Variants in ALKBH6 observed in about 807,000 individuals in gnomAD.
The protein encoded by ALKBH6 is probable RNA/DNA demethylase ALKBH6.
In ALKBH6, 20 loss-of-function variants were observed where a neutral mutation model predicts 25.1. The observed-to-expected ratio is 0.80, with a 90% CI of 0.56 to 1.16. The LOEUF (loss-of-function observed/expected upper bound fraction) is 1.16. Ranked by LOEUF, ALKBH6 falls within the 50% of genes most tolerant of loss-of-function variation. The pLI is 0.00. For synonymous variants in ALKBH6, 156 were observed against 147.5 expected (o/e 1.06, Z -0.42); for missense variants, 263 against 326.5 (o/e 0.81, Z 1.50).
rs763163403 is a variant in ALKBH6 at position 36,013,325 on chromosome 19, C to T, written c.54+19G>A. ...ATCAGCCTGCCTCCTTCACCCTCTG[C>T]ACCCTGAGTTCTGACAACCTGCTCC... is the stretch of plus-strand genomic sequence containing the variant. On this transcript the variant is annotated intron_variant, in intron 2 of 6. Coordinates refer to ENST00000378875, the MANE Select transcript of ALKBH6 (RefSeq NM_032878.5). This position sits in a 1 kb window ranked among gnomAD's most constrained non-coding sequence, Gnocchi z 4.6. 6.2e-7 allele frequency: 1 copy of T among 1,613,966 alleles called. No homozygotes were observed. Among genetic ancestry groups the T allele is most frequent in the Non-Finnish European group, 8.5e-7 (1 of 1,179,874 alleles).
intron 3 of ALKBH6, 98 bp downstream of exon 3, chr19:36,012,923 G>T (rs1464097746): frequency 5.1e-6 from 6 of 1,185,314 alleles, no homozygotes; most frequent in African/African-American, 1.5e-5. Flanking sequence ...TTCTGTCGGG[G>T]TCTTCACTGC....
At position 36,010,999 on chromosome 19, in the gene ALKBH6, T is replaced by C; in HGVS notation, c.231A>G (p.Pro77=). Residue 77 remains proline (P), a synonymous_variant, in exon 5 of 7, where the codon CCA becomes CCG. Transcript: ENST00000378875. This position sits in a 1 kb window ranked among gnomAD's most constrained non-coding sequence, Gnocchi z 5.5. ...CTTTGTCCACGTAGCGCTGGAGCCA[T>C]GGGGGCAGCCGCTCAGGAACCATCC... ...PRGMVPERLP[P]WLQRYVDKVS... 6.2e-7 allele frequency: 1 copy of C among 1,613,426 alleles called. No homozygotes were observed. The highest frequency in any genetic ancestry group is 8.5e-7 in the Non-Finnish European group (1 of 1,179,742).
Position 36,010,193 on chromosome 19 carries a change from C to A in ALKBH6, c.453+374G>T. Reference sequence around the variant, plus strand: ...TCTGGGGGTGTCCTGCACCCCAAATCACATTCCTGGAGTAGCAGGACGTCT... The same window carrying A: ...TCTGGGGGTGTCCTGCACCCCAAATAACATTCCTGGAGTAGCAGGACGTCT... On this transcript the variant is annotated intron_variant, in intron 6 of 6. Coordinates refer to ENST00000378875, the MANE Select transcript of ALKBH6 (RefSeq NM_032878.5). This position sits in a 1 kb window ranked among gnomAD's most constrained non-coding sequence, Gnocchi z 5.5. The A allele has an allele frequency of 4.3e-6, 1 of 234,322 alleles. No homozygotes were observed. Among genetic ancestry groups the A allele is most frequent in the Non-Finnish European group, 8.4e-6 (1 of 119,482 alleles). 14.5% of individuals were successfully genotyped at this position (234,322 alleles called of 1,614,324 possible). A position where few individuals can be genotyped will look rare whatever the true frequency, so the allele number is the denominator to read the frequency against.
intron 4 of ALKBH6, 80 bp from the exon 5 acceptor site, chr19:36,011,125 C>G (rs969847666): frequency 5.2e-6 from 8 of 1,524,780 alleles, no homozygotes; most frequent in Non-Finnish European, 6.2e-6. Context: ...GCTGGAAGCA[C>G]CCTGATCCTC....
chr19:36,011,024 C>G lies in ALKBH6; in HGVS notation c.206G>C (p.Gly69Ala). Reference sequence around the variant, plus strand: ...TGGGGGCAGCCGCTCAGGAACCATCCCTCGGGGATGAGGAAGCCCACCTGG... The same window carrying G: ...TGGGGGCAGCCGCTCAGGAACCATCGCTCGGGGATGAGGAAGCCCACCTGG... ...QNWGGLPHPR[G>A]MVPERLPPWL... The change falls in exon 5 of 7, where the codon GGG becomes GCG. Residue 69 changes from glycine to alanine, a missense_variant. Around this residue, in one of 3 missense-constraint regions of ALKBH6, gnomAD observed 112 missense variants for 153.0 expected, o/e 0.73. Transcript: ENST00000378875. 1 of 1,610,942 alleles carries G rather than the reference C, an allele frequency of 6.2e-7. No homozygotes were observed. Among genetic ancestry groups the G allele is most frequent in the Non-Finnish European group, 8.5e-7 (1 of 1,178,582 alleles).
intron 1 of ALKBH6, 57 bp downstream of exon 1, chr19:36,014,118 C>A (rs1405943986): frequency 4.4e-6 from 7 of 1,604,004 alleles, no homozygotes; most frequent in Non-Finnish European, 6.0e-6. Flanking sequence ...TCCCCCGGAT[C>A]CCCACTTTCA....
intron 3 of ALKBH6, 155 bp downstream of exon 3, chr19:36,012,866 G>A: frequency 1.4e-6 from 1 of 729,422 alleles, no homozygotes. Flanking sequence ...TAGCAGGATT[G>A]GGCTATCTCA....
chr19:36,009,598 G>GT, intron 6 of ALKBH6, 45 bp from the exon 7 acceptor site: 3 of 1,143,770 alleles, frequency 2.6e-6, no homozygotes, highest in Non-Finnish European at 3.3e-6. Context: ...AAGTCGGGGG[G>GT]TGGGGGTGGG....
At chr19:36,011,733 C>A in intron 3 of ALKBH6, 2 of 387,964 alleles carry the variant, frequency 5.2e-6, no homozygotes, top group South Asian at 7.4e-5. Flanking sequence ...TCACAATCTA[C>A]TCAGAGTTCT....
intron 6 of ALKBH6, 40 bp from the exon 7 acceptor site, chr19:36,009,593 G>T: frequency 1.7e-6 from 2 of 1,165,186 alleles, no homozygotes; most frequent in Non-Finnish European, 2.2e-6. Flanking sequence ...TCAAGAAGTC[G>T]GGGGGTGGGG....
intron 3 of ALKBH6, 68 bp from the exon 4 acceptor site, chr19:36,011,532 A>C: frequency 2.0e-6 from 3 of 1,536,048 alleles, no homozygotes; most frequent in Non-Finnish European, 2.7e-6. Context: ...ACCTAGACCA[A>C]CATAGGGGCC....
In ALKBH6 at chr19:36,009,451, C is replaced by A; in HGVS notation, c.556G>T (p.Ala186Ser). 1 of 1,245,702 alleles carries A rather than the reference C, an allele frequency of 8.0e-7. No individual in the cohort carries two copies. Among genetic ancestry groups the A allele is most frequent in the Non-Finnish European group, 1.0e-6 (1 of 996,862 alleles). The allele number at this position is 1,245,702 out of a possible 1,614,324, so 77.2% of individuals were successfully genotyped here. A position where few individuals can be genotyped will look rare whatever the true frequency, so the allele number is the denominator to read the frequency against. ...GCGTCCAGCGCGTCTACGCGGGCGG[C>A]GGCGATGCCGTGGAGAAGACGCGTG... ...AYTRLLHGIAAARVDALDAAS... is the reference protein window; with the variant it reads ...AYTRLLHGIASARVDALDAAS... Residue 186 changes from alanine to serine, a missense_variant, in exon 7 of 7, where the codon GCC becomes TCC. Transcript: ENST00000378875.
At position 36,010,762 on chromosome 19, in the gene ALKBH6, C is replaced by T; in HGVS notation, c.337-79G>A. On this transcript the variant is annotated intron_variant, in intron 5 of 6. Transcript: ENST00000378875. This position sits in a 1 kb window ranked among gnomAD's most constrained non-coding sequence, Gnocchi z 5.5. ...CTGGGTCAAAGGGGGGCTTCCCAAGCCAGGGACAGGGAGGTGAATGCCTGT... is the reference window on the plus strand; with the variant it reads ...CTGGGTCAAAGGGGGGCTTCCCAAGTCAGGGACAGGGAGGTGAATGCCTGT... 1 of 1,573,476 alleles carries T rather than the reference C, an allele frequency of 6.4e-7. No homozygotes were observed. The highest frequency in any genetic ancestry group is 8.7e-7 in the Non-Finnish European group (1 of 1,145,432).
At chr19:36,009,628 G>A (rs1282541300) in intron 6 of ALKBH6, 75 bp from the exon 7 acceptor site, 8 of 1,078,392 alleles carry the variant, frequency 7.4e-6, no homozygotes. Context: ...GGTAGCCTCC[G>A]GGGATCAGCT....
chr19:36,013,296 A>G lies in ALKBH6; in HGVS notation c.54+48T>C, dbSNP rs377562927. ...GGGGGCAGTCCCAACCCAAGAACTC[A>G]GGAATCAGCCTGCCTCCTTCACCCT... On this transcript the variant is annotated intron_variant, in intron 2 of 6. Transcript: ENST00000378875. This position sits in a 1 kb window ranked among gnomAD's most constrained non-coding sequence, Gnocchi z 4.6. The G allele has an allele frequency of 2.7e-5, 43 of 1,609,268 alleles. No individual in the cohort carries two copies. Among genetic ancestry groups the G allele is most frequent in the Admixed American group, 1.7e-4 (10 of 59,886 alleles).
chr19:36,009,608 G>GGGGGGGGGGC, intron 6 of ALKBH6, 55 bp from the exon 7 acceptor site: 2 of 336,928 alleles, frequency 5.9e-6, no homozygotes, highest in South Asian at 1.3e-4. Context: ...GTGGGGGTGG[G>GGGGGGGGGGC]CGAGAGGTCG....
At position 36,009,429 on chromosome 19, in the gene ALKBH6, T is replaced by C. The variant is rs1968517446; in HGVS notation, c.578A>G (p.Asp193Gly). ...CGCATTGGGCGGCGAGGAGGCGGCG[T>C]CCAGCGCGTCTACGCGGGCGGCGGC... ...GIAAARVDAL[D>G]AASSPPNAAA... The change falls in exon 7 of 7, where the codon GAC (aspartate) becomes GGC (glycine). Residue 193 changes from aspartate to glycine, a missense_variant. By Grantham distance (94) the Asp-to-Gly change is moderately conservative. This residue lies in a region of ALKBH6 where 148 missense variants were observed against 157.5 expected (regional missense o/e 0.94). Transcript: ENST00000378875. The C allele has an allele frequency of 8.0e-7, 1 of 1,244,918 alleles. No homozygotes were observed. Among genetic ancestry groups the C allele is most frequent in the Non-Finnish European group, 1.0e-6 (1 of 996,306 alleles). The allele number at this position is 1,244,918 out of a possible 1,614,324, so 77.1% of individuals were successfully genotyped here. A position where few individuals can be genotyped will look rare whatever the true frequency, so the allele number is the denominator to read the frequency against.
chr19:36,014,156 A>G lies in ALKBH6; in HGVS notation c.-26+19T>C. Reference sequence around the variant, plus strand: ...CCTATTGACATCCATCTCTACCCCCAGCACTCCCCAAAACTGACCGTCCAC... The same window carrying G: ...CCTATTGACATCCATCTCTACCCCCGGCACTCCCCAAAACTGACCGTCCAC... On this transcript the variant is annotated intron_variant, in intron 1 of 6. Coordinates refer to ENST00000378875, the MANE Select transcript of ALKBH6 (RefSeq NM_032878.5). The G allele has an allele frequency of 6.2e-7, 1 of 1,610,024 alleles. No homozygotes were observed. The highest frequency in any genetic ancestry group is 8.5e-7 in the Non-Finnish European group (1 of 1,178,376).
Position 36,011,152 on chromosome 19 carries a change from G to A in ALKBH6, c.185-107C>T, listed in dbSNP as rs117878598. 1.7e-4 allele frequency: 249 copies of A among 1,445,906 alleles called. 1 individual carries two copies. The highest frequency in any genetic ancestry group is 2.0e-4 in the Non-Finnish European group (218 of 1,072,004). The allele number at this position is 1,445,906 out of a possible 1,614,324, so 89.6% of individuals were successfully genotyped here. A position where few individuals can be genotyped will look rare whatever the true frequency, so the allele number is the denominator to read the frequency against. On this transcript the variant is annotated intron_variant, in intron 4 of 6. Coordinates refer to ENST00000378875, the MANE Select transcript of ALKBH6 (RefSeq NM_032878.5). ...CTGATCCTCTCAGGGACCCCTGACCGTTTGGAGATAGCCACTGGGTCCTTC... is the reference window on the plus strand; with the variant it reads ...CTGATCCTCTCAGGGACCCCTGACCATTTGGAGATAGCCACTGGGTCCTTC...
Sources: gnomAD v4.1 joint callset for allele counts on GRCh38, gnomAD v4.1.1 for gene constraint, gnomAD v4.1.1 regional missense constraint, Gnocchi (gnomAD v3.1) non-coding constraint, MANE v1.5 for transcripts, NCBI Gene and HGNC (gene_info 2026-07-23, HGNC 2026-07-21) for gene names.